ADAMTS16: variants seen among roughly 807,000 people sequenced by gnomAD.
The protein encoded by ADAMTS16 is A disintegrin and metalloproteinase with thrombospondin motifs 16.
In ADAMTS16, 94 loss-of-function variants were observed where a neutral mutation model predicts 145.8. The observed-to-expected ratio is 0.64, with a 90% CI of 0.55 to 0.77. The LOEUF (loss-of-function observed/expected upper bound fraction) is 0.77, where lower values mean the gene tolerates loss of function less well. Among genes scored for constraint, ADAMTS16 ranks in the 30% least tolerant of loss-of-function variants. The probability of loss-of-function intolerance (pLI) is 0.00; values close to 1 mark genes in which losing one functional copy is unlikely to be tolerated. For missense variants in ADAMTS16, 1,585 were observed against 1,591.5 expected (o/e 1.00, Z 0.07); for synonymous variants, 659 against 604.3 (o/e 1.09, Z -1.33).
Position 5,235,007 on chromosome 5 carries a change from A to T in ADAMTS16, c.1851-7A>T, listed in dbSNP as rs1474114439. On this transcript the variant is annotated splice_region_variant and splice_polypyrimidine_tract_variant and intron_variant, in intron 12 of 22. Transcript: ENST00000274181. ...TAAAAATTCTAACTTCAAAATACAC[A>T]TTCCAGGCCATCGCATGGAGGGAAG... 3 of 1,543,886 alleles carry T rather than the reference A, an allele frequency of 1.9e-6. No homozygotes were observed. The African/African-American group carries it at 4.1e-5, about 21-fold the overall frequency.
At chr5:5,303,051 G>A (rs1309780986) in intron 18 of ADAMTS16, among the ~76,000 whole-genome samples, 1 of 152,188 alleles carries the variant, frequency 6.6e-6, no homozygotes, top group Non-Finnish European at 1.5e-5. Context: ...GGAAGGGAAA[G>A]AATGACAGAG....
At chr5:5,316,732 C>T (rs1017900769) in intron 21 of ADAMTS16, among the ~76,000 whole-genome samples, 1 of 152,148 alleles carries the variant, frequency 6.6e-6, no homozygotes, top group Non-Finnish European at 1.5e-5. Context: ...CTGGCAGTGC[C>T]CACCCTCATG....
At chr5:5,189,234 T>A (rs1021042779) in intron 6 of ADAMTS16, among the ~76,000 whole-genome samples, 1 of 152,200 alleles carries the variant, frequency 6.6e-6, no homozygotes, top group Non-Finnish European at 1.5e-5. Flanking sequence ...AGCATGCCGG[T>A]GAATAAGGTT....
chr5:5,233,284 T>A (rs1736995185), intron 12 of ADAMTS16, among the ~76,000 whole-genome samples: 1 of 152,220 alleles, frequency 6.6e-6, no homozygotes, highest in African/African-American at 2.4e-5. Flanking sequence ...TAAGAATGAA[T>A]GTGAGAAGCA....
Position 5,140,411 on chromosome 5 carries a change from C to G in ADAMTS16, c.-57C>G. On this transcript the variant is annotated 5_prime_UTR_variant, in exon 1 of 23. Coordinates refer to ENST00000274181, the MANE Select transcript of ADAMTS16 (RefSeq NM_139056.4). ...CTGGGTCGGGTCCTCCCTGCCCGCT[C>G]GCACGCTGCCGGCCGGGGACCCTCC... 3 of 1,474,154 alleles carry G rather than the reference C, an allele frequency of 2.0e-6. No homozygotes were observed. Among genetic ancestry groups the G allele is most frequent in the Non-Finnish European group, 2.7e-6 (3 of 1,117,476 alleles). The allele number at this position is 1,474,154 out of a possible 1,614,324, so 91.3% of individuals were successfully genotyped here. A position where few individuals can be genotyped will look rare whatever the true frequency, so the allele number is the denominator to read the frequency against.
chr5:5,189,623 A>G (rs182776317), intron 6 of ADAMTS16, among the ~76,000 whole-genome samples: 2 of 152,246 alleles, frequency 1.3e-5, no homozygotes, highest in African/African-American at 4.8e-5. Context: ...CCATGTATAA[A>G]TGATTCTGTG....
At chr5:5,144,514 T>C (rs190038952) in intron 2 of ADAMTS16, among the ~76,000 whole-genome samples, 24 of 152,348 alleles carry the variant, frequency 1.6e-4, no homozygotes, top group African/African-American at 5.8e-4. Flanking sequence ...GTTTAAAATT[T>C]TACCTCATTA....
intron 20 of ADAMTS16, 69 bp from the exon 21 acceptor site, chr5:5,306,432 GATA>G (rs1740155078): frequency 1.5e-6 from 2 of 1,335,190 alleles, no homozygotes; most frequent in Non-Finnish European, 2.1e-6. Context: ...AGATATCTCT[GATA>G]TTTTAACCCA....
Position 5,161,461 on chromosome 5 carries a change from A to G in ADAMTS16, c.501+15006A>G, listed in dbSNP as rs954523890. ...ACATAACACAGCTGTCCTAGATACA[A>G]TGCACATATGGGTGAAACTGTAGAG... On this transcript the variant is annotated intron_variant, in intron 3 of 22. Transcript: ENST00000274181. Among the ~76,000 whole-genome samples the G allele has an allele frequency of 4.6e-5, 7 of 152,220 alleles. No homozygotes were observed. In the South Asian group the frequency reaches 1.4e-3, roughly 32 times the overall value.
Position 5,319,236 on chromosome 5 carries a change from A to T in ADAMTS16, c.*98A>T. On this transcript the variant is annotated 3_prime_UTR_variant, in exon 23 of 23. Transcript: ENST00000274181. The stretch of plus-strand genomic sequence containing the variant: ...CTACGTCGGAATACATCCAAGGAAG[A>T]GCAAAGCCAAAAGAAGAAAACCGTG... 1.1e-6 allele frequency: 1 copy of T among 900,060 alleles called. No individual in the cohort carries two copies. Among genetic ancestry groups the T allele is most frequent in the Non-Finnish European group, 1.8e-6 (1 of 571,408 alleles). The allele number at this position is 900,060 out of a possible 1,614,324, so 55.8% of individuals were successfully genotyped here.
chr5:5,146,034 A>G (rs2126502469), intron 2 of ADAMTS16, 96 bp from the exon 3 acceptor site: 1 of 1,071,112 alleles, frequency 9.3e-7, no homozygotes, highest in East Asian at 2.6e-5. Context: ...ACTGGGTGGA[A>G]AGGTCATGTG....
At chr5:5,184,131 A>G (rs1180188692) in intron 4 of ADAMTS16, among the ~76,000 whole-genome samples, 2 of 152,116 alleles carry the variant, frequency 1.3e-5, no homozygotes, top group Non-Finnish European at 2.9e-5. Flanking sequence ...GCTGCTTCCT[A>G]CTGGAGCGTG....
intron 8 of ADAMTS16, among the ~76,000 whole-genome samples, chr5:5,199,814 G>C (rs1560945633): frequency 6.6e-6 from 1 of 152,114 alleles, no homozygotes; most frequent in South Asian, 2.1e-4. Flanking sequence ...TGGAGAAAAA[G>C]AAGCTACATA....
chr5:5,191,775 A>G lies in ADAMTS16; in HGVS notation c.1298A>G (p.His433Arg), dbSNP rs1363880685. 2 of 1,612,858 alleles carry G rather than the reference A, an allele frequency of 1.2e-6. No individual in the cohort carries two copies. The highest frequency in any genetic ancestry group is 2.7e-5 in the African/African-American group (2 of 74,902). The change falls in exon 8 of 23, where the codon CAT becomes CGT. Residue 433 changes from histidine to arginine, a missense_variant. Physicochemically the swap from His to Arg is conservative, Grantham distance 29. Transcript: ENST00000274181. Reference sequence around the variant, plus strand: ...CTTGGACTGGCCTTCACCATTGCCCATGAGTCTGGACACAAGTAAGTGCAT... The same window carrying G: ...CTTGGACTGGCCTTCACCATTGCCCGTGAGTCTGGACACAAGTAAGTGCAT... Reference protein sequence around the residue: ...TGLGLAFTIAHESGHNFGMIH... With the variant: ...TGLGLAFTIARESGHNFGMIH...
intron 20 of ADAMTS16, among the ~76,000 whole-genome samples, chr5:5,304,620 G>A (rs1739950656): frequency 6.6e-6 from 1 of 152,016 alleles, no homozygotes; most frequent in Non-Finnish European, 1.5e-5. Context: ...CTCCACCCTC[G>A]AACGATGGCT....
At chr5:5,140,925 C>G (rs370510125) in intron 2 of ADAMTS16, among the ~76,000 whole-genome samples, 159 bp downstream of exon 2, 9 of 152,042 alleles carry the variant, frequency 5.9e-5, no homozygotes, top group African/African-American at 1.9e-4. Flanking sequence ...TATGAGCGAG[C>G]CCCGATGAGT....
rs752096825 is a variant in ADAMTS16 at position 5,222,789 on chromosome 5, G to A, written c.1606G>A (p.Asp536Asn). ...ATGACCTTTTACAAAATTTCTTTAG[G>A]ACATCTGTAAAGCCCTGTGGTGCCA... ...AKLCMLDFKK[D>N]ICKALWCHRI... Residue 536 changes from aspartate (D) to asparagine (N), a missense_variant and splice_region_variant, in exon 11 of 23, where the codon GAC (aspartate) becomes AAC (asparagine). By Grantham distance (23) the Asp-to-Asn change is conservative. Around this residue, in one of 3 missense-constraint regions of ADAMTS16, gnomAD observed 298 missense variants for 367.6 expected, o/e 0.81. Coordinates refer to ENST00000274181, the MANE Select transcript of ADAMTS16 (RefSeq NM_139056.4). 1 of 1,613,610 alleles carries A rather than the reference G, an allele frequency of 6.2e-7. No individual in the cohort carries two copies. Among genetic ancestry groups the A allele is most frequent in the South Asian group, 1.1e-5 (1 of 91,042 alleles).
chr5:5,194,803 T>A (rs1560943475), intron 8 of ADAMTS16, among the ~76,000 whole-genome samples: 1 of 152,176 alleles, frequency 6.6e-6, no homozygotes, highest in South Asian at 2.1e-4. Context: ...AGAGTCAAAT[T>A]TTTGAGTTCT....
At position 5,265,265 on chromosome 5, in the gene ADAMTS16, T is replaced by C. The variant is rs143256584; in HGVS notation, c.2789+2482T>C. On this transcript the variant is annotated intron_variant, in intron 18 of 22. Coordinates refer to ENST00000274181, the MANE Select transcript of ADAMTS16 (RefSeq NM_139056.4). ...TTTTAGTCAGTGATCCCTGCTGCAA[T>C]AGGGAAAAGATTGTGGCCTGAAGTG... 1.9e-3 allele frequency among the ~76,000 whole-genome samples: 282 copies of C among 152,160 alleles called. 6 individuals carry two copies. Among genetic ancestry groups the C allele is most frequent in the Non-Finnish European group, 4.1e-4 (28 of 67,994 alleles).
Sources: allele counts gnomAD v4.1 joint callset (sites outside exome capture counted in the v4.1 genomes callset), GRCh38; gene constraint gnomAD v4.1.1; regional missense constraint gnomAD v4.1.1; transcripts MANE v1.5; gene names NCBI Gene and HGNC (gene_info 2026-07-23, HGNC 2026-07-21).